The following PRKN variants were observed in gnomAD, a reference collection of about 807,000 sequenced individuals.
The protein encoded by PRKN is parkin RBR E3 ubiquitin protein ligase, also known as E3 ubiquitin-protein ligase parkin.
PRKN carries 56 observed loss-of-function variants against 59.5 expected under a neutral mutation model. The observed-to-expected ratio is 0.94, with a 90% confidence interval of 0.76 to 1.18. PRKN has a LOEUF of 1.18. Among genes scored for constraint, PRKN ranks in the 50% most tolerant of loss-of-function variants. PRKN has a pLI of 0.00. For missense variants in PRKN, 657 were observed against 596.4 expected, an observed-to-expected ratio of 1.10 and a Z score of -1.06; for synonymous variants, 250 against 222.1, an observed-to-expected ratio of 1.13 and a Z score of -1.12.
chr6:162,129,176 T>C (rs1249666116), intron 4 of PRKN, among the ~76,000 whole-genome samples: 16 of 152,234 alleles, frequency 1.1e-4, no homozygotes, highest in Admixed American at 1.0e-3. Context: ...CAGAATTTAC[T>C]GGGTAGCTTT....
Position 161,518,943 on chromosome 6 carries a change from G to T in PRKN, c.1083+29911C>A, listed in dbSNP as rs536898122. Among the ~76,000 whole-genome samples, 2 of 152,276 alleles carry T rather than the reference G, an allele frequency of 1.3e-5. No individual in the cohort carries two copies. The highest frequency in any genetic ancestry group is 6.5e-5 in the Admixed American group (1 of 15,300). On this transcript the variant is annotated intron_variant, in intron 9 of 11. Transcript: ENST00000366898. This position sits in a 1 kb window ranked among gnomAD's most constrained non-coding sequence, Gnocchi z 5.0. ...TCCCTCTGTCCACAGAAATGCCTGA[G>T]CATGGAACTCTGGGAAAACTGCACT...
chr6:162,173,879 T>C, intron 4 of PRKN, among the ~76,000 whole-genome samples: 1 of 152,202 alleles, frequency 6.6e-6, no homozygotes, highest in African/African-American at 2.4e-5. Context: ...GGAGCAAATG[T>C]TCATTGGGTG....
chr6:161,678,759 G>T (rs182603776), intron 7 of PRKN, among the ~76,000 whole-genome samples: 34 of 151,958 alleles, frequency 2.2e-4, no homozygotes, highest in African/African-American at 7.7e-4. Flanking sequence ...TAGAGATGGG[G>T]TTTCACCACA....
chr6:161,507,112 T>C (rs1360577068), intron 9 of PRKN, among the ~76,000 whole-genome samples: 2 of 152,184 alleles, frequency 1.3e-5, no homozygotes, highest in Non-Finnish European at 2.9e-5. Flanking sequence ...TAAAAATTCC[T>C]CTCTTCCTAA....
intron 6 of PRKN, among the ~76,000 whole-genome samples, chr6:161,874,878 AAATATATAATATAT>A (rs1187607377): frequency 2.7e-5 from 3 of 109,250 alleles, no homozygotes; most frequent in African/African-American, 4.0e-5. Flanking sequence ...GTAAAATATA[AAATATATAATATAT>A]AATATATAAT....
At chr6:162,409,491 C>A (rs899411207) in intron 2 of PRKN, among the ~76,000 whole-genome samples, 2 of 152,102 alleles carry the variant, frequency 1.3e-5, no homozygotes, top group African/African-American at 4.8e-5. Context: ...CCCACCCTCA[C>A]CCCATGCACT....
At chr6:161,723,044 G>A (rs953035506) in intron 7 of PRKN, among the ~76,000 whole-genome samples, 3 of 152,172 alleles carry the variant, frequency 2.0e-5, no homozygotes, top group African/African-American at 7.2e-5. Flanking sequence ...CAAGGCGGGT[G>A]GATCACTTGA....
At chr6:161,570,537 A>G (rs1583241864) in intron 7 of PRKN, among the ~76,000 whole-genome samples, 2 of 151,788 alleles carry the variant, frequency 1.3e-5, no homozygotes, top group African/African-American at 4.8e-5. Context: ...CTGTGAAGAG[A>G]ATGAAGATGA....
At chr6:162,080,843 A>C (rs959493975) in intron 4 of PRKN, among the ~76,000 whole-genome samples, 1 of 152,052 alleles carries the variant, frequency 6.6e-6, no homozygotes, top group Non-Finnish European at 1.5e-5. Flanking sequence ...GAACCTTCAA[A>C]ACTGGAGTCA....
chr6:162,328,032 A>G (rs1783378569), intron 2 of PRKN, among the ~76,000 whole-genome samples: 2 of 135,074 alleles, frequency 1.5e-5, no homozygotes, highest in Non-Finnish European at 3.3e-5. Flanking sequence ...CAAGGCCCTC[A>G]ACGTTCCCAC....
intron 3 of PRKN, among the ~76,000 whole-genome samples, chr6:162,214,248 T>A (rs1300000823): frequency 6.6e-6 from 1 of 152,162 alleles, no homozygotes; most frequent in African/African-American, 2.4e-5. Context: ...TGACTTCCAA[T>A]TGCACGCACT....
At chr6:162,368,395 C>A (rs1785566996) in intron 2 of PRKN, among the ~76,000 whole-genome samples, 1 of 152,158 alleles carries the variant, frequency 6.6e-6, no homozygotes, top group South Asian at 2.1e-4. Context: ...CATGCTGTTG[C>A]CAAATGCCAG....
intron 2 of PRKN, among the ~76,000 whole-genome samples, chr6:162,325,234 G>C (rs4708953): frequency 0.47 from 71,877 of 151,830 alleles, 17,639 homozygotes; most frequent in Middle Eastern, 0.54. Flanking sequence ...CTTTTCTTCT[G>C]TAACACTCCA....
intron 9 of PRKN, among the ~76,000 whole-genome samples, chr6:161,506,622 A>G (rs1003088400): frequency 1.1e-4 from 17 of 152,348 alleles, no homozygotes; most frequent in African/African-American, 4.1e-4. Context: ...GGCGAGTGAG[A>G]CAAGTGCAGA....
At chr6:162,179,968 C>CTGTGTGTG (rs61592555) in intron 4 of PRKN, among the ~76,000 whole-genome samples, 5,420 of 139,460 alleles carry the variant, frequency 0.039, 151 homozygotes, top group South Asian at 0.07. Context: ...TATCTTATTA[C>CTGTGTGTG]TGTGTGTGTG....
At chr6:161,636,871 G>T (rs112945770) in intron 7 of PRKN, among the ~76,000 whole-genome samples, 2 of 152,120 alleles carry the variant, frequency 1.3e-5, no homozygotes, top group Admixed American at 6.5e-5. Context: ...ATGACCGGCC[G>T]CACGTCAACA....
intron 7 of PRKN, among the ~76,000 whole-genome samples, chr6:161,781,919 C>G (rs1440017885): frequency 1.3e-5 from 2 of 152,168 alleles, no homozygotes; most frequent in African/African-American, 4.8e-5. Flanking sequence ...TTGCGGCTCC[C>G]CTGTTGGGGA....
intron 1 of PRKN, among the ~76,000 whole-genome samples, chr6:162,628,858 T>C (rs1299922096): frequency 6.6e-6 from 1 of 152,148 alleles, no homozygotes; most frequent in Non-Finnish European, 1.5e-5. Flanking sequence ...GTTACCTACA[T>C]TAATCCTCAC....
intron 1 of PRKN, among the ~76,000 whole-genome samples, chr6:162,655,486 G>C (rs1735138094): frequency 1.3e-5 from 2 of 152,082 alleles, no homozygotes; most frequent in Admixed American, 1.3e-4. Context: ...ACACTAATTA[G>C]CAAGTCAGAA....
Sources: allele counts gnomAD v4.1 joint callset (sites outside exome capture counted in the v4.1 genomes callset), GRCh38; gene constraint gnomAD v4.1.1; non-coding constraint Gnocchi (gnomAD v3.1); transcripts MANE v1.5; gene names NCBI Gene and HGNC (gene_info 2026-07-23, HGNC 2026-07-21).